Variants in PARP14 observed in about 807,000 individuals in gnomAD.
PARP14 encodes poly(ADP-ribose) polymerase family member 14.
PARP14 carries 59 observed loss-of-function variants against 154.2 expected under a neutral mutation model. The ratio of observed to expected loss-of-function variants is 0.38; its 90% CI spans 0.31 to 0.48. The LOEUF (loss-of-function observed/expected upper bound fraction) is 0.48. Ranked by LOEUF, PARP14 falls within the 20% of genes least tolerant of loss-of-function variation. PARP14 has a pLI of 0.98. For missense variants in PARP14, 1,734 were observed against 2,131.6 expected (o/e 0.81, Z 3.67); for synonymous variants, 720 against 780.5 (o/e 0.92, Z 1.29).
At position 122,701,548 on chromosome 3, in the gene PARP14, T is replaced by C. The variant is rs780685846; in HGVS notation, c.2994T>C (p.Pro998=). The C allele has an allele frequency of 1.9e-5, 30 of 1,610,630 alleles. No homozygotes were observed. The highest frequency in any genetic ancestry group is 2.4e-5 in the Non-Finnish European group (28 of 1,178,238). ...PPGLPPAAAG[P]GKTSWEKGSL... is the part of the protein sequence containing the mutation. ...GTTTACCACCAGCAGCAGCGGGGCC[T>C]GGGAAAACATCATGGGAAAAAGGAA... is the stretch of plus-strand genomic sequence containing the variant. Residue 998 remains proline, a synonymous_variant, in exon 6 of 17, where the codon CCT becomes CCC. Transcript: ENST00000474629. This position sits in a 1 kb window ranked among gnomAD's most constrained non-coding sequence, Gnocchi z 4.0.
chr3:122,682,341 T>C (rs1156400906), intron 1 of PARP14, among the ~76,000 whole-genome samples: 1 of 152,054 alleles, frequency 6.6e-6, no homozygotes, highest in Non-Finnish European at 1.5e-5. Flanking sequence ...TAGAAGTAGG[T>C]CTGACCTGCA....
chr3:122,685,085 C>G, intron 1 of PARP14, 100 bp from the exon 2 acceptor site: 1 of 1,303,700 alleles, frequency 7.7e-7, no homozygotes, highest in Non-Finnish European at 1.1e-6. Context: ...ACCGACCAAG[C>G]CATTGATTGA....
chr3:122,716,902 C>T (rs1576599317), intron 12 of PARP14, among the ~76,000 whole-genome samples: 1 of 152,164 alleles, frequency 6.6e-6, no homozygotes, highest in African/African-American at 2.4e-5. Context: ...TGTTCATCCC[C>T]GCATATCACA....
intron 11 of PARP14, 38 bp downstream of exon 11, chr3:122,713,972 TG>T (rs1445391037): frequency 1.2e-5 from 17 of 1,438,156 alleles, no homozygotes; most frequent in Non-Finnish European, 1.7e-5. Context: ...AAGTTGTAAT[TG>T]TATGGGAGGC....
At chr3:122,725,065 G>C (rs1933253633) in intron 15 of PARP14, among the ~76,000 whole-genome samples, 1 of 152,172 alleles carries the variant, frequency 6.6e-6, no homozygotes, top group Admixed American at 6.5e-5. Context: ...CACAGACACA[G>C]TAACAATCTG....
At chr3:122,727,687 C>A in intron 15 of PARP14, 125 bp from the exon 16 acceptor site, 1 of 520,822 alleles carries the variant, frequency 1.9e-6, no homozygotes, top group Non-Finnish European at 3.3e-6. Context: ...AGAAAGCTGC[C>A]GTCTGGCATT....
At chr3:122,694,816 G>A (rs376311845) in intron 4 of PARP14, among the ~76,000 whole-genome samples, 10 of 152,142 alleles carry the variant, frequency 6.6e-5, no homozygotes, top group East Asian at 1.9e-4. Context: ...CACCACGCCC[G>A]GCCAATACTT....
chr3:122,701,608 G>A lies in PARP14; in HGVS notation c.3054G>A (p.Leu1018=). The change falls in exon 6 of 17, where the codon TTG becomes TTA. Residue 1018 remains leucine (L), a synonymous_variant. Transcript: ENST00000474629. This position sits in a 1 kb window ranked among gnomAD's most constrained non-coding sequence, Gnocchi z 4.0. ...LVSPGGLQML[L]VKEGVQNAKT... ...CCCCGGGAGGCCTGCAGATGCTGTTGGTGAAAGAGGGTGTGCAGAATGCTA... is the reference window on the plus strand; with the variant it reads ...CCCCGGGAGGCCTGCAGATGCTGTTAGTGAAAGAGGGTGTGCAGAATGCTA... 6.3e-7 allele frequency: 1 copy of A among 1,599,668 alleles called. No homozygotes were observed.
At chr3:122,712,230 G>A (rs1202897917) in intron 9 of PARP14, among the ~76,000 whole-genome samples, 1 of 141,932 alleles carries the variant, frequency 7.0e-6, no homozygotes, top group Non-Finnish European at 1.5e-5. Flanking sequence ...CATCTTTTTG[G>A]GATTCACATC....
intron 15 of PARP14, among the ~76,000 whole-genome samples, chr3:122,724,060 C>T (rs1933223634): frequency 6.6e-6 from 1 of 152,122 alleles, no homozygotes; most frequent in Non-Finnish European, 1.5e-5. Flanking sequence ...TTAATGACCC[C>T]ATTAATCTTT....
chr3:122,730,328 T>C lies in PARP14; in HGVS notation c.*1731T>C, dbSNP rs746561734. On this transcript the variant is annotated 3_prime_UTR_variant, in exon 17 of 17. Transcript: ENST00000474629. ...CCTTGTTTGTTTTTTCCTTCTGGCT[T>C]CTTCTATTACAGTCTCTTCATTGGA... The C allele has an allele frequency of 6.6e-5, 10 of 152,320 alleles. No homozygotes were observed. The highest frequency in any genetic ancestry group is 1.3e-4 in the Non-Finnish European group (9 of 68,110). The allele number at this position is 152,320 out of a possible 1,614,324, so 9.4% of individuals were successfully genotyped here. A position where few individuals can be genotyped will look rare whatever the true frequency, so the allele number is the denominator to read the frequency against.
intron 15 of PARP14, chr3:122,721,538 G>A (rs558787573): frequency 6.6e-6 from 1 of 152,312 alleles, no homozygotes; most frequent in East Asian, 1.9e-4. Context: ...AGTGAGCCAA[G>A]ATCACGCCAC....
At chr3:122,720,150 T>C in intron 14 of PARP14, 105 bp from the exon 15 acceptor site, 1 of 1,155,146 alleles carries the variant, frequency 8.7e-7, no homozygotes, top group Non-Finnish European at 1.2e-6. Flanking sequence ...TAAGGAACTC[T>C]TTGAATGCTT....
At chr3:122,708,406 A>G (rs1939227585) in intron 9 of PARP14, 138 bp downstream of exon 9, 4 of 618,254 alleles carry the variant, frequency 6.5e-6, no homozygotes, top group Middle Eastern at 4.3e-4. Context: ...TGTTTCATAT[A>G]CCTGAGCATG....
chr3:122,704,323 T>A (rs931775043), intron 7 of PARP14, among the ~76,000 whole-genome samples: 10 of 152,240 alleles, frequency 6.6e-5, no homozygotes, highest in Non-Finnish European at 1.5e-4. Flanking sequence ...CTTTCCTTCA[T>A]TGTGAATGTG....
At chr3:122,723,207 T>C (rs1206789660) in intron 15 of PARP14, among the ~76,000 whole-genome samples, 1 of 152,174 alleles carries the variant, frequency 6.6e-6, no homozygotes, top group Non-Finnish European at 1.5e-5. Context: ...CCCAAAGTGT[T>C]GGGATTACAG....
rs1933342520 is a variant in PARP14, at chr3:122,728,371, A to T, written c.5180A>T (p.Tyr1727Phe). 2.5e-6 allele frequency: 4 copies of T among 1,613,070 alleles called. No individual in the cohort carries two copies. The highest frequency in any genetic ancestry group is 8.5e-7 in the Non-Finnish European group (1 of 1,179,206). ...GCCAATTATTCTGCCAATGATACGT[A>T]CTCCAGACCAGATGCAAATGGGAGA... ...VNANYSANDTYSRPDANGRKH... is the reference protein window; with the variant it reads ...VNANYSANDTFSRPDANGRKH... Residue 1727 changes from tyrosine (Y) to phenylalanine (F), a missense_variant, in exon 17 of 17, where the codon TAC becomes TTC. Tyr to Phe is a conservative substitution (Grantham distance 22, BLOSUM62 3). Coordinates refer to ENST00000474629, the MANE Select transcript of PARP14 (RefSeq NM_017554.3).
chr3:122,694,126 A>T (rs1272719), intron 4 of PARP14, among the ~76,000 whole-genome samples: 1 of 151,938 alleles, frequency 6.6e-6, no homozygotes, highest in African/African-American at 2.4e-5. Flanking sequence ...CCATATGTAA[A>T]CAAATAAAGA....
chr3:122,719,572 T>C (rs919721549), intron 14 of PARP14, among the ~76,000 whole-genome samples: 1 of 152,232 alleles, frequency 6.6e-6, no homozygotes, highest in African/African-American at 2.4e-5. Context: ...TCGAACCAGA[T>C]TAAGTCCCCT....
Sources: gnomAD v4.1 joint callset for allele counts (sites outside exome capture counted in the v4.1 genomes callset) on GRCh38, gnomAD v4.1.1 for gene constraint, Gnocchi (gnomAD v3.1) non-coding constraint, MANE v1.5 for transcripts, NCBI Gene and HGNC (gene_info 2026-07-23, HGNC 2026-07-21) for gene names.